ZP4: variants seen among roughly 807,000 people sequenced by gnomAD.
ZP4 encodes zona pellucida glycoprotein 4, also known as zona pellucida sperm-binding protein 4.
A neutral mutation model predicts 62.3 loss-of-function variants in ZP4; 62 were observed. The ratio of observed to expected loss-of-function variants is 0.99; its 90% CI spans 0.81 to 1.23. The LOEUF is 1.23. Ranked by LOEUF, ZP4 falls within the 50% of genes most tolerant of loss-of-function variation. The pLI is 0.00. For synonymous variants in ZP4, 289 were observed against 247.3 expected (o/e 1.17, Z -1.58); for missense variants, 774 against 656.0 (o/e 1.18, Z -1.97).
chr1:237,887,228 G>T (rs1205821365), intron 5 of ZP4, 146 bp downstream of exon 5: 2 of 870,528 alleles, frequency 2.3e-6, no homozygotes, highest in African/African-American at 1.7e-5. Flanking sequence ...CAGTGATGAG[G>T]CATTCTCCTG....
intron 5 of ZP4, among the ~76,000 whole-genome samples, 163 bp downstream of exon 5, chr1:237,887,211 A>G (rs1553351520): frequency 6.6e-6 from 1 of 152,090 alleles, no homozygotes; most frequent in Non-Finnish European, 1.5e-5. Context: ...GAAGAGATTA[A>G]CTTTTTCAGT....
intron 2 of ZP4, 33 bp from the exon 3 acceptor site, chr1:237,890,002 A>C (rs1665201729): frequency 6.2e-7 from 1 of 1,614,060 alleles, no homozygotes. Flanking sequence ...GTCAGCCTGG[A>C]TGGTAGCATG....
At position 237,890,255 on chromosome 1, in the gene ZP4, A is replaced by T. The variant is rs943596989; in HGVS notation, c.176-79T>A. The T allele has an allele frequency of 1.9e-6, 3 of 1,601,720 alleles. No homozygotes were observed. The African/African-American group carries it at 4.0e-5, about 21-fold the overall frequency. On this transcript the variant is annotated intron_variant, in intron 1 of 11. Coordinates refer to ENST00000366570, the MANE Select transcript of ZP4 (RefSeq NM_021186.5). The stretch of plus-strand genomic sequence containing the variant: ...AAAGGATAGTCAGCCTTGCCATTAG[A>T]CCCCAAGGAGCAACTGTCAATAAGA...
intron 10 of ZP4, 102 bp downstream of exon 10, chr1:237,884,667 A>T: frequency 9.3e-7 from 1 of 1,076,872 alleles, no homozygotes; most frequent in Non-Finnish European, 1.4e-6. Flanking sequence ...AGCCTTAGTA[A>T]GATGAATCTT....
intron 6 of ZP4, among the ~76,000 whole-genome samples, chr1:237,886,205 G>A (rs527489326): frequency 2.8e-4 from 43 of 152,254 alleles, no homozygotes; most frequent in African/African-American, 8.4e-4. Flanking sequence ...CAGGGAAAGC[G>A]TCACCCAATA....
At chr1:237,886,065 C>A (rs1453850247) in intron 6 of ZP4, among the ~76,000 whole-genome samples, 179 bp from the exon 7 acceptor site, 1 of 152,112 alleles carries the variant, frequency 6.6e-6, no homozygotes, top group Non-Finnish European at 1.5e-5. Flanking sequence ...CAAGTAGGAC[C>A]AATGTTTGAG....
At position 237,886,751 on chromosome 1, in the gene ZP4, C is replaced by A; in HGVS notation, c.839+20G>T. 6.2e-7 allele frequency: 1 copy of A among 1,607,576 alleles called. No individual in the cohort carries two copies. Among genetic ancestry groups the A allele is most frequent in the Non-Finnish European group, 8.5e-7 (1 of 1,175,128 alleles). On this transcript the variant is annotated intron_variant, in intron 6 of 11. Coordinates refer to ENST00000366570, the MANE Select transcript of ZP4 (RefSeq NM_021186.5). ...GCCCACCTTATGGCAGATGGGAAGTCATTCTGGCCAAGCCCTTACCTGAAG... is the reference window on the plus strand; with the variant it reads ...GCCCACCTTATGGCAGATGGGAAGTAATTCTGGCCAAGCCCTTACCTGAAG...
chr1:237,888,460 T>C lies in ZP4; in HGVS notation c.451A>G (p.Arg151Gly), dbSNP rs1178561675. ...DWCDSIPARD[R>G]LPCAPSPISR... Reference sequence around the variant, plus strand: ...ATGGGTGAAGGTGCACATGGCAGTCTGTCCCGTGCTGGGATGGAGTCACAC... The same window carrying C: ...ATGGGTGAAGGTGCACATGGCAGTCCGTCCCGTGCTGGGATGGAGTCACAC... The change falls in exon 4 of 12, where the codon AGA becomes GGA. Residue 151 changes from arginine (R) to glycine (G), a missense_variant. Physicochemically the swap from Arg to Gly is moderately radical, Grantham distance 125. Transcript: ENST00000366570. 6.2e-7 allele frequency: 1 copy of C among 1,612,154 alleles called. No individual in the cohort carries two copies. Among genetic ancestry groups the C allele is most frequent in the South Asian group, 1.1e-5 (1 of 90,686 alleles).
chr1:237,884,003 C>CACAA (rs1665021038), intron 10 of ZP4, among the ~76,000 whole-genome samples: 3 of 92,396 alleles, frequency 3.2e-5, no homozygotes, highest in African/African-American at 8.8e-5. Context: ...CACACACACA[C>CACAA]ACACACACAC....
chr1:237,886,965 A>G, intron 5 of ZP4, 97 bp from the exon 6 acceptor site: 1 of 1,047,906 alleles, frequency 9.5e-7, no homozygotes, highest in Non-Finnish European at 1.4e-6. Context: ...ACCCTGTTGT[A>G]TGGTATATTT....
chr1:237,882,826 T>A lies in ZP4; in HGVS notation c.1411A>T (p.Ser471Cys). The A allele has an allele frequency of 6.2e-7, 1 of 1,613,566 alleles. No homozygotes were observed. The highest frequency in any genetic ancestry group is 1.1e-5 in the South Asian group (1 of 91,038). Residue 471 changes from serine to cysteine, a missense_variant, in exon 11 of 12, where the codon AGT (serine) becomes TGT (cysteine). Coordinates refer to ENST00000366570, the MANE Select transcript of ZP4 (RefSeq NM_021186.5). ...ACACTAGCAGTAGTGTTCTGAGAAC[T>A]GTTGTCAAAATTTCTTCTTCCTGTT... is the stretch of plus-strand genomic sequence containing the variant. ...DLSRRRNFDNSSQNTTASVSS... is the reference protein window; with the variant it reads ...DLSRRRNFDNCSQNTTASVSS...
chr1:237,889,627 C>T (rs963568321), intron 3 of ZP4, among the ~76,000 whole-genome samples: 1 of 152,106 alleles, frequency 6.6e-6, no homozygotes. Context: ...GTAGTATTTG[C>T]AGCACTATGT....
In ZP4 at chr1:237,890,785, A is replaced by C. The variant is rs1444341279; in HGVS notation, c.-150T>G. 7 of 829,824 alleles carry C rather than the reference A, an allele frequency of 8.4e-6. No homozygotes were observed. In the Admixed American group the frequency reaches 1.9e-4, roughly 22 times the overall value. The allele number at this position is 829,824 out of a possible 1,614,324, so 51.4% of individuals were successfully genotyped here. On this transcript the variant is annotated 5_prime_UTR_variant, in exon 1 of 12. Transcript: ENST00000366570. The stretch of plus-strand genomic sequence containing the variant: ...ACACTCAGGTGGGATGCCTTCAGAA[A>C]GGGGAATTCCTCTAGCCTCATTTGC...
Position 237,883,763 on chromosome 1 carries a change from G to GAGGGAGAGAGAGGAAGAGAGAGGA in ZP4, c.1391-918_1391-917insTCCTCTCTCTTCCTCTCTCTCCCT, listed in dbSNP as rs1664994637. On this transcript the variant is annotated intron_variant, in intron 10 of 11. Coordinates refer to ENST00000366570, the MANE Select transcript of ZP4 (RefSeq NM_021186.5). The stretch of plus-strand genomic sequence containing the variant: ...AGAGGGAGAGAGAGGGAGAGAGAGG[G>GAGGGAGAGAGAGGAAGAGAGAGGA]AGAGAGAGGAAGAGAGAGGAAGAGA... Among the ~76,000 whole-genome samples the GAGGGAGAGAGAGGAAGAGAGAGGA allele has an allele frequency of 4.5e-5, 2 of 44,182 alleles. 1 individual carries two copies. The highest frequency in any genetic ancestry group is 8.2e-5 in the Non-Finnish European group (2 of 24,374). The allele number at this position is 44,182 out of a possible 152,430, so 29.0% of individuals were successfully genotyped here. A position where few individuals can be genotyped will look rare whatever the true frequency, so the allele number is the denominator to read the frequency against.
In ZP4 at chr1:237,887,543, C is replaced by T. The variant is rs143165633; in HGVS notation, c.572G>A (p.Arg191Gln). 2.6e-5 allele frequency: 42 copies of T among 1,613,958 alleles called. No individual in the cohort carries two copies. The East Asian group carries it at 2.7e-4, about 10-fold the overall frequency. The change falls in exon 5 of 12, where the codon CGA (arginine) becomes CAA (glutamine). Residue 191 changes from arginine to glutamine, a missense_variant. Physicochemically the swap from Arg to Gln is conservative, Grantham distance 43. Coordinates refer to ENST00000366570, the MANE Select transcript of ZP4 (RefSeq NM_021186.5). ...YGNTVTLHCT[R>Q]EGHFSIAVSR... ...CACAGCAATAGAGAAATGGCCCTCT[C>T]GGGTACAATGCAAGGTCACTGAAAC...
chr1:237,887,520 C>G lies in ZP4; in HGVS notation c.595G>C (p.Val199Leu). 1 of 1,614,200 alleles carries G rather than the reference C, an allele frequency of 6.2e-7. No homozygotes were observed. Among genetic ancestry groups the G allele is most frequent in the Non-Finnish European group, 8.5e-7 (1 of 1,180,032 alleles). Reference sequence around the variant, plus strand: ...GGTGGCGAGGTCACGTTCCGAGACACAGCAATAGAGAAATGGCCCTCTCGG... The same window carrying G: ...GGTGGCGAGGTCACGTTCCGAGACAGAGCAATAGAGAAATGGCCCTCTCGG... ...CTREGHFSIA[V>L]SRNVTSPPLL... Residue 199 changes from valine (V) to leucine (L), a missense_variant, in exon 5 of 12, where the codon GTG becomes CTG. Val to Leu is a conservative substitution (Grantham distance 32, BLOSUM62 1). Transcript: ENST00000366570.
chr1:237,889,315 ATT>A (rs11348205), intron 3 of ZP4, among the ~76,000 whole-genome samples: 3,872 of 125,648 alleles, frequency 0.031, 164 homozygotes, highest in African/African-American at 0.1. Flanking sequence ...GATAGGTTGT[ATT>A]TTTTTTTTTT....
In ZP4 at chr1:237,890,016, C is replaced by A. The variant is rs538353; in HGVS notation, c.297+39G>T. On this transcript the variant is annotated intron_variant, in intron 2 of 11. Transcript: ENST00000366570. ...GGTCAGCCTGGATGGTAGCATGAGG[C>A]GCTTCACACAGTCTCCCTGGCCATT... 1.3e-5 allele frequency: 21 copies of A among 1,613,988 alleles called. No homozygotes were observed. In the African/African-American group the frequency reaches 2.7e-4, roughly 21 times the overall value.
chr1:237,882,620 G>T, intron 11 of ZP4, 71 bp from the exon 12 acceptor site: 1 of 1,566,678 alleles, frequency 6.4e-7, no homozygotes, highest in Non-Finnish European at 8.6e-7. Flanking sequence ...ACAAAGACTA[G>T]CAGTCTTCTG....
Sources: gnomAD v4.1 joint callset for allele counts (sites outside exome capture counted in the v4.1 genomes callset) on GRCh38, gnomAD v4.1.1 for gene constraint, MANE v1.5 for transcripts, NCBI Gene and HGNC (gene_info 2026-07-23, HGNC 2026-07-21) for gene names.